TIMP3: variants seen among roughly 807,000 people sequenced by gnomAD.
TIMP3 encodes the protein metalloproteinase inhibitor 3.
A neutral mutation model predicts 30.0 loss-of-function variants in TIMP3; 11 were observed. The ratio of observed to expected loss-of-function variants is 0.37; its 90% CI spans 0.23 to 0.61. The LOEUF is 0.61. TIMP3 is among the 20% of genes least tolerant of loss of function. TIMP3 has a pLI of 0.70. For missense variants in TIMP3, 181 were observed against 276.8 expected (o/e 0.65, Z 2.45); for synonymous variants, 112 against 111.3 (o/e 1.01, Z -0.04).
chr22:32,860,895 T>A lies in TIMP3; in HGVS notation c.*1518T>A, dbSNP rs1236664980. 1.4e-5 allele frequency: 2 copies of A among 147,604 alleles called. No individual in the cohort carries two copies. The highest frequency in any genetic ancestry group is 3.0e-5 in the Non-Finnish European group (2 of 67,432). The allele number at this position is 147,604 out of a possible 1,614,324, so 9.1% of individuals were successfully genotyped here. A position where few individuals can be genotyped will look rare whatever the true frequency, so the allele number is the denominator to read the frequency against. Reference sequence around the variant, plus strand: ...GGGGAAAGCCTGAGTTTGCAACCAGTTGTAGGGTTTCTGTTGTGTTTTTTT... The same window carrying A: ...GGGGAAAGCCTGAGTTTGCAACCAGATGTAGGGTTTCTGTTGTGTTTTTTT... On this transcript the variant is annotated 3_prime_UTR_variant, in exon 5 of 5. Transcript: ENST00000266085.
At chr22:32,846,863 C>T (rs1304247003) in intron 1 of TIMP3, among the ~76,000 whole-genome samples, 14 of 152,308 alleles carry the variant, frequency 9.2e-5, no homozygotes, top group Admixed American at 5.2e-4. Context: ...ACTACAAAAA[C>T]GTATTCTTTT....
intron 1 of TIMP3, among the ~76,000 whole-genome samples, chr22:32,821,895 C>T (rs2146067274): frequency 6.6e-6 from 1 of 152,310 alleles, no homozygotes; most frequent in Non-Finnish European, 1.5e-5. Context: ...GTGGCTCACG[C>T]CTGTAATCTC....
intron 2 of TIMP3, among the ~76,000 whole-genome samples, chr22:32,854,368 G>A (rs1350534810): frequency 6.6e-6 from 1 of 152,104 alleles, no homozygotes; most frequent in Non-Finnish European, 1.5e-5. Context: ...AGTTCTTACT[G>A]AGCAGTTCAA....
At chr22:32,849,566 G>A in intron 2 of TIMP3, 32 bp downstream of exon 2, 1 of 1,591,684 alleles carries the variant, frequency 6.3e-7, no homozygotes, top group African/African-American at 1.3e-5. Flanking sequence ...GCTCCGGGAA[G>A]GTTTTTGGGT....
intron 1 of TIMP3, among the ~76,000 whole-genome samples, chr22:32,831,293 C>T (rs750560806): frequency 2.0e-5 from 3 of 152,228 alleles, no homozygotes; most frequent in South Asian, 2.1e-4. Flanking sequence ...AGAGGGAGGA[C>T]GGGGCTGGAT....
At chr22:32,825,657 CAAAAAAAAAAAAAAAAAAAAAAAAAA>C (rs130292) in intron 1 of TIMP3, among the ~76,000 whole-genome samples, 4 of 28,560 alleles carry the variant, frequency 1.4e-4, no homozygotes, top group African/African-American at 5.2e-4. Context: ...GTTTCCATCT[CAAAAAAAAAAAAAAAAAAAAAAAAAA>C]AAAAAAAAAA....
At chr22:32,847,648 G>A (rs770534697) in intron 1 of TIMP3, among the ~76,000 whole-genome samples, 6 of 152,156 alleles carry the variant, frequency 3.9e-5, no homozygotes, top group Non-Finnish European at 8.8e-5. Context: ...GATACATAGT[G>A]GAGCATCCAC....
At chr22:32,815,094 C>T (rs1051138082) in intron 1 of TIMP3, among the ~76,000 whole-genome samples, 2 of 152,180 alleles carry the variant, frequency 1.3e-5, no homozygotes, top group Admixed American at 6.5e-5. Context: ...GGTTAGTGGC[C>T]GCCATGTTAA....
intron 1 of TIMP3, among the ~76,000 whole-genome samples, chr22:32,815,291 A>C (rs2047058646): frequency 6.6e-6 from 1 of 152,120 alleles, no homozygotes. Context: ...AGTGCAGGGA[A>C]CCCATGTGCG....
intron 1 of TIMP3, among the ~76,000 whole-genome samples, chr22:32,830,985 G>C (rs186627920): frequency 1.3e-5 from 2 of 152,188 alleles, no homozygotes; most frequent in Non-Finnish European, 2.9e-5. Flanking sequence ...GCACAGGGGT[G>C]GGGGAAGAGG....
chr22:32,815,959 C>T (rs1316632145), intron 1 of TIMP3, among the ~76,000 whole-genome samples: 1 of 152,198 alleles, frequency 6.6e-6, no homozygotes, highest in African/African-American at 2.4e-5. Flanking sequence ...TGAGTCTCAA[C>T]ACTTTCTGCC....
At chr22:32,850,406 A>G (rs1232858969) in intron 2 of TIMP3, among the ~76,000 whole-genome samples, 1 of 151,994 alleles carries the variant, frequency 6.6e-6, no homozygotes, top group Non-Finnish European at 1.5e-5. Context: ...TGTTACTTGT[A>G]AGGAGGAGCG....
intron 1 of TIMP3, among the ~76,000 whole-genome samples, chr22:32,811,784 A>T (rs1476014407): frequency 9.2e-5 from 14 of 152,300 alleles, no homozygotes; most frequent in African/African-American, 3.4e-4. Context: ...ATGGAATGGG[A>T]TTGGAACCCA....
chr22:32,812,559 G>T (rs1382830329), intron 1 of TIMP3, among the ~76,000 whole-genome samples: 1 of 152,168 alleles, frequency 6.6e-6, no homozygotes, highest in Non-Finnish European at 1.5e-5. Context: ...TGATAGACAA[G>T]AAATGGGATT....
At chr22:32,850,124 T>C (rs1601536489) in intron 2 of TIMP3, among the ~76,000 whole-genome samples, 1 of 150,594 alleles carries the variant, frequency 6.6e-6, no homozygotes, top group East Asian at 1.9e-4. Flanking sequence ...CAATGTTTGC[T>C]AAGCATATTC....
rs1479498540 is a variant in TIMP3 at position 32,857,266 on chromosome 22, C to G, written c.222C>G (p.Thr74=). The part of the protein sequence containing the change: ...IKQMKMYRGF[T]KMPHVQYIHT... ...GCCCACAGATGTACCGAGGCTTCAC[C>G]AAGATGCCCCATGTGCAGTACATCC... Residue 74 remains threonine, a synonymous_variant, in exon 3 of 5, where the codon ACC becomes ACG. Coordinates refer to ENST00000266085, the MANE Select transcript of TIMP3 (RefSeq NM_000362.5). The G allele has an allele frequency of 3.7e-6, 6 of 1,614,048 alleles. No individual in the cohort carries two copies. In the East Asian group the frequency reaches 1.3e-4, roughly 36 times the overall value.
rs372767593 is a variant in TIMP3 at position 32,802,052 on chromosome 22, G to T, written c.51G>T (p.Gly17=). ...TGCTCCTGGGCAGCTGGAGCCTGGGGGACTGGGGCGCCGAGGCGTGCACAT... is the reference window on the plus strand; with the variant it reads ...TGCTCCTGGGCAGCTGGAGCCTGGGTGACTGGGGCGCCGAGGCGTGCACAT... ...LIVLLGSWSL[G]DWGAEACTCS... Residue 17 remains glycine (G), a synonymous_variant, in exon 1 of 5, where the codon GGG becomes GGT. Transcript: ENST00000266085. The T allele has an allele frequency of 1.1e-4, 179 of 1,576,652 alleles. No homozygotes were observed. Among genetic ancestry groups the T allele is most frequent in the Non-Finnish European group, 9.5e-5 (111 of 1,166,186 alleles).
chr22:32,852,068 A>T (rs2283884), intron 2 of TIMP3, among the ~76,000 whole-genome samples: 39,802 of 152,138 alleles, frequency 0.26, 5,763 homozygotes, highest in East Asian at 0.4. Context: ...GCAATTGCTT[A>T]GTGCCAGGCA....
rs1001442161 is a variant in TIMP3, at chr22:32,837,983, C to G, written c.122-11469C>G. Among the ~76,000 whole-genome samples, 1 of 152,210 alleles carries G rather than the reference C, an allele frequency of 6.6e-6. No homozygotes were observed. Among genetic ancestry groups the G allele is most frequent in the African/African-American group, 2.4e-5 (1 of 41,454 alleles). On this transcript the variant is annotated intron_variant, in intron 1 of 4. Coordinates refer to ENST00000266085, the MANE Select transcript of TIMP3 (RefSeq NM_000362.5). This position sits in a 1 kb window ranked among gnomAD's most constrained non-coding sequence, Gnocchi z 4.1. ...TCTCTTAACTGTCTCTAGTGATTCT[C>G]TGATCCCAGCTCAGGCAGGATGTCT... is the stretch of plus-strand genomic sequence containing the variant.
Sources: gnomAD v4.1 joint callset for allele counts (sites outside exome capture counted in the v4.1 genomes callset) on GRCh38, gnomAD v4.1.1 for gene constraint, Gnocchi (gnomAD v3.1) non-coding constraint, MANE v1.5 for transcripts, NCBI Gene and HGNC (gene_info 2026-07-23, HGNC 2026-07-21) for gene names.